ARID1B: variants seen among roughly 807,000 people sequenced by gnomAD.
ARID1B encodes the protein AT-rich interaction domain 1B, also known as AT-rich interactive domain-containing protein 1B.
In ARID1B, 30 loss-of-function variants were observed where a neutral mutation model predicts 212.3. The ratio of observed to expected loss-of-function variants is 0.14; its 90% CI spans 0.11 to 0.19. ARID1B has a LOEUF of 0.19. Among genes scored for constraint, ARID1B ranks in the 10% least tolerant of loss-of-function variants. The pLI is 1.00. For missense variants in ARID1B, 2,891 were observed against 3,204.0 expected (o/e 0.90, Z 2.36); for synonymous variants, 1,402 against 1,301.7 (o/e 1.08, Z -1.66).
At chr6:157,185,400 A>G (rs1792904169) in intron 13 of ARID1B, 1 of 152,258 alleles carries the variant, frequency 6.6e-6, no homozygotes, top group Non-Finnish European at 1.5e-5. Flanking sequence ...CCGCTCCTGT[A>G]CACAGCTTGT....
chr6:156,786,360 C>A (rs1194932892), intron 1 of ARID1B, among the ~76,000 whole-genome samples: 1 of 152,044 alleles, frequency 6.6e-6, no homozygotes, highest in African/African-American at 2.4e-5. Context: ...TGCAAAACTT[C>A]AGAAATTCTT....
At chr6:157,000,696 CTTTT>C (rs10536002) in intron 4 of ARID1B, among the ~76,000 whole-genome samples, 9 of 99,200 alleles carry the variant, frequency 9.1e-5, no homozygotes, top group Admixed American at 1.2e-4. Flanking sequence ...TCTAATTATT[CTTTT>C]TTTTTTTTTT....
chr6:157,098,973 A>G (rs546617971), intron 5 of ARID1B, among the ~76,000 whole-genome samples: 151 of 151,696 alleles, frequency 1.0e-3, no homozygotes, highest in Non-Finnish European at 1.7e-3. Context: ...TATTTTTTTT[A>G]TTTTTTTTGA....
intron 2 of ARID1B, among the ~76,000 whole-genome samples, chr6:156,869,692 A>C (rs1160785997): frequency 2.0e-5 from 3 of 152,236 alleles, no homozygotes; most frequent in Non-Finnish European, 2.9e-5. Context: ...CGGATGTCAG[A>C]AAATATGTGA....
Position 156,933,450 on chromosome 6 carries a change from C to T in ARID1B, c.2137-2016C>T, listed in dbSNP as rs1385549780. Among the ~76,000 whole-genome samples, 3 of 152,126 alleles carry T rather than the reference C, an allele frequency of 2.0e-5. No individual in the cohort carries two copies. The South Asian group carries it at 6.2e-4, about 31-fold the overall frequency. ...GGAAAGGAACCTGCAGGGCACCCAG[C>T]GGGAAGTCTGTGTGACAAGTGGAAA... On this transcript the variant is annotated intron_variant, in intron 3 of 19. Transcript: ENST00000636930.
At chr6:156,799,081 G>A (rs1011120961) in intron 1 of ARID1B, among the ~76,000 whole-genome samples, 1 of 152,146 alleles carries the variant, frequency 6.6e-6, no homozygotes, top group African/African-American at 2.4e-5. Flanking sequence ...CAAGTCTCAA[G>A]TATTACAGAC....
chr6:157,068,673 G>C (rs1202569888), intron 4 of ARID1B, among the ~76,000 whole-genome samples: 8 of 152,158 alleles, frequency 5.3e-5, no homozygotes. Flanking sequence ...TAAATGAAAA[G>C]ATTTTGAGAT....
At chr6:157,149,004 A>C in intron 8 of ARID1B, 53 bp downstream of exon 8, 1 of 1,534,834 alleles carries the variant, frequency 6.5e-7, no homozygotes, top group Non-Finnish European at 8.9e-7. Context: ...TCTACCCGTG[A>C]CCACGTGACT....
rs977397943 is a variant in ARID1B, at chr6:157,201,041, G to A, written c.4816G>A (p.Gly1606Ser). The change falls in exon 18 of 20, where the codon GGC becomes AGC. Residue 1606 changes from glycine (G) to serine (S), a missense_variant. Around this residue, in one of 7 missense-constraint regions of ARID1B, gnomAD observed 666 missense variants for 873.5 expected, o/e 0.76. Coordinates refer to ENST00000636930, the MANE Select transcript of ARID1B (RefSeq NM_001374828.1). The surrounding 1 kb of genome is among the most constrained non-coding windows in gnomAD (Gnocchi z 5.2). The part of the protein sequence containing the change: ...YPYQNRQGPG[G>S]PTQAPPYPGM... ...CTACCAGAACAGGCAGGGCCCTGGC[G>A]GCCCTACACAGGCGCCCCCTTACCC... is the stretch of plus-strand genomic sequence containing the variant. The A allele has an allele frequency of 3.0e-5, 49 of 1,613,590 alleles. No individual in the cohort carries two copies. Among genetic ancestry groups the A allele is most frequent in the Non-Finnish European group, 4.0e-5 (47 of 1,179,756 alleles).
intron 4 of ARID1B, among the ~76,000 whole-genome samples, chr6:157,078,340 C>G (rs1784433597): frequency 6.6e-6 from 1 of 152,152 alleles, no homozygotes; most frequent in South Asian, 2.1e-4. Flanking sequence ...GGAAACGTTA[C>G]TTCCAGATGA....
intron 7 of ARID1B, 100 bp downstream of exon 7, chr6:157,133,307 A>T: frequency 4.6e-6 from 6 of 1,310,802 alleles, no homozygotes; most frequent in Non-Finnish European, 6.1e-6. Flanking sequence ...ATATCGTAAG[A>T]TCCATTATCT....
At position 156,777,989 on chromosome 6, in the gene ARID1B, C is replaced by T. The variant is rs1187737630; in HGVS notation, c.309C>T (p.Gly103=). The T allele has an allele frequency of 5.9e-6, 9 of 1,531,378 alleles. No homozygotes were observed. Among genetic ancestry groups the T allele is most frequent in the South Asian group, 1.2e-5 (1 of 83,712 alleles). The allele number at this position is 1,531,378 out of a possible 1,614,324, so 94.9% of individuals were successfully genotyped here. Residue 103 remains glycine, a synonymous_variant, in exon 1 of 20, where the codon GGC becomes GGT. Transcript: ENST00000636930. ...AAGTHSAKSG[G]SEAALKEGGS... ...GCACCCACAGCGCCAAGAGCGGCGG[C>T]TCCGAGGCGGCTCTCAAGGAGGGTG...
At chr6:156,845,189 T>C (rs949400325) in intron 2 of ARID1B, among the ~76,000 whole-genome samples, 1 of 152,118 alleles carries the variant, frequency 6.6e-6, no homozygotes, top group Admixed American at 6.5e-5. Context: ...CATGTTGTTC[T>C]TTAAATTTTG....
At chr6:157,052,781 G>A (rs533375118) in intron 4 of ARID1B, among the ~76,000 whole-genome samples, 5 of 151,724 alleles carry the variant, frequency 3.3e-5, no homozygotes, top group East Asian at 3.9e-4. Context: ...GTGCAGTGGC[G>A]GAGTCTCGGC....
rs1157991420 is a variant in ARID1B, at chr6:157,209,414, G to C, written c.*1523G>C. ...ACCTTTAGGGGTTACCTACTTTAGA[G>C]TGGGGAGCAACAGTTTGATTTTCTC... On this transcript the variant is annotated 3_prime_UTR_variant, in exon 20 of 20. Coordinates refer to ENST00000636930, the MANE Select transcript of ARID1B (RefSeq NM_001374828.1). 4.3e-6 allele frequency: 1 copy of C among 232,258 alleles called. No homozygotes were observed. Among genetic ancestry groups the C allele is most frequent in the African/African-American group, 2.2e-5 (1 of 45,292 alleles). 14.4% of individuals were successfully genotyped at this position (232,258 alleles called of 1,614,324 possible). A position where few individuals can be genotyped will look rare whatever the true frequency, so the allele number is the denominator to read the frequency against.
rs1794691069 is a variant in ARID1B, at chr6:157,210,151, CAA to C, written c.*2262_*2263del. The C allele has an allele frequency of 1.7e-5, 4 of 232,424 alleles. 1 individual carries two copies. The East Asian group carries it at 2.4e-4, about 14-fold the overall frequency. The allele number at this position is 232,424 out of a possible 1,614,324, so 14.4% of individuals were successfully genotyped here. A position where few individuals can be genotyped will look rare whatever the true frequency, so the allele number is the denominator to read the frequency against. On this transcript the variant is annotated 3_prime_UTR_variant, in exon 20 of 20. Coordinates refer to ENST00000636930, the MANE Select transcript of ARID1B (RefSeq NM_001374828.1). ...TCTGTCAACTCCCACATTACTGAGT[CAA>C]ACAGTCTTCTTACATAACAATGCAA...
intron 1 of ARID1B, among the ~76,000 whole-genome samples, chr6:156,806,610 C>T (rs552532355): frequency 7.2e-5 from 11 of 152,260 alleles, no homozygotes; most frequent in South Asian, 4.1e-4. Flanking sequence ...ATCCCTGTTT[C>T]GTGTGTGCTG....
upstream of ARID1B, chr6:156,776,276 A>G (rs78572062): frequency 3.9e-5 from 6 of 152,354 alleles, no homozygotes; most frequent in East Asian, 1.2e-3. Flanking sequence ...CATTAATAAC[A>G]ATGCAAATAT....
In ARID1B at chr6:157,148,955, C is replaced by T. The variant is rs777669434; in HGVS notation, c.3089+4C>T. 56 of 1,607,514 alleles carry T rather than the reference C, an allele frequency of 3.5e-5. No homozygotes were observed. In the Admixed American group the frequency reaches 4.2e-4, roughly 12 times the overall value. On this transcript the variant is annotated splice_donor_region_variant and intron_variant, in intron 8 of 19. Coordinates refer to ENST00000636930, the MANE Select transcript of ARID1B (RefSeq NM_001374828.1). This position sits in a 1 kb window ranked among gnomAD's most constrained non-coding sequence, Gnocchi z 5.6. Reference sequence around the variant, plus strand: ...CTGCGAACTCAGCACAAAGCAGGTACGCCACCCAGGAGCACGCCCCGGGCA... The same window carrying T: ...CTGCGAACTCAGCACAAAGCAGGTATGCCACCCAGGAGCACGCCCCGGGCA...
Sources: gnomAD v4.1 joint callset for allele counts (sites outside exome capture counted in the v4.1 genomes callset) on GRCh38, gnomAD v4.1.1 for gene constraint, gnomAD v4.1.1 regional missense constraint, Gnocchi (gnomAD v3.1) non-coding constraint, MANE v1.5 for transcripts, NCBI Gene and HGNC (gene_info 2026-07-23, HGNC 2026-07-21) for gene names.